DISC1: variants seen among roughly 807,000 people sequenced by gnomAD.
DISC1 encodes the protein DISC1 scaffold protein, also known as disrupted in schizophrenia 1 protein.
DISC1 carries 57 observed loss-of-function variants against 84.5 expected under a neutral mutation model. The ratio of observed to expected loss-of-function variants is 0.67; its 90% CI spans 0.55 to 0.84. The LOEUF is 0.84. Among genes scored for constraint, DISC1 ranks in the 40% least tolerant of loss-of-function variants. The pLI, the probability that DISC1 is intolerant of heterozygous loss-of-function variation, is 0.00. For missense variants in DISC1, 1,000 were observed against 1,057.8 expected, an observed-to-expected ratio of 0.95 and a Z score of 0.76; for synonymous variants, 411 against 415.2, an observed-to-expected ratio of 0.99 and a Z score of 0.12.
chr1:231,629,441 T>C (rs1380052870), intron 1 of DISC1: 1 of 153,206 alleles, frequency 6.5e-6, no homozygotes, highest in Non-Finnish European at 1.5e-5. Flanking sequence ...GAGAGGAGCG[T>C]GAATGCTCTG....
At chr1:231,648,644 C>T (rs1280848371) in intron 1 of DISC1, among the ~76,000 whole-genome samples, 1 of 152,202 alleles carries the variant, frequency 6.6e-6, no homozygotes, top group Non-Finnish European at 1.5e-5. Flanking sequence ...ACCAGCTCCT[C>T]TTTGTACTTC....
chr1:231,652,155 AC>A (rs1179458192), intron 1 of DISC1, among the ~76,000 whole-genome samples: 1 of 152,132 alleles, frequency 6.6e-6, no homozygotes, highest in African/African-American at 2.4e-5. Flanking sequence ...TGCAGAAATC[AC>A]CATCTTCTGC....
rs1458034173 is a variant in DISC1, at chr1:232,040,678, TGGCTAA to T, written c.*3849_*3854del. The T allele has an allele frequency of 6.6e-6, 1 of 152,222 alleles. No homozygotes were observed. Among genetic ancestry groups the T allele is most frequent in the African/African-American group, 2.4e-5 (1 of 41,456 alleles). 9.4% of individuals were successfully genotyped at this position (152,222 alleles called of 1,614,324 possible). A position where few individuals can be genotyped will look rare whatever the true frequency, so the allele number is the denominator to read the frequency against. On this transcript the variant is annotated 3_prime_UTR_variant, in exon 13 of 13. Transcript: ENST00000439617. ...GAGCCATGGAACTTACTTGTTCACCTGGCTAAGAACTCATGGCCACTGTGGAAATCT... is the reference window on the plus strand; with the variant it reads ...GAGCCATGGAACTTACTTGTTCACCTGAACTCATGGCCACTGTGGAAATCT...
chr1:231,739,138 G>A (rs1376520427), intron 3 of DISC1, among the ~76,000 whole-genome samples: 1 of 152,144 alleles, frequency 6.6e-6, no homozygotes, highest in African/African-American at 2.4e-5. Flanking sequence ...GTGTGTAAAT[G>A]CACTCATATG....
intron 9 of DISC1, among the ~76,000 whole-genome samples, chr1:231,882,153 G>A (rs768486892): frequency 1.3e-5 from 2 of 152,180 alleles, no homozygotes; most frequent in African/African-American, 4.8e-5. Context: ...GATTGTTAAC[G>A]GCTAACTTTT....
At chr1:231,928,739 G>A (rs1335859229) in intron 9 of DISC1, among the ~76,000 whole-genome samples, 2 of 151,952 alleles carry the variant, frequency 1.3e-5, no homozygotes, top group Admixed American at 6.6e-5. Flanking sequence ...TGTGTCCCAG[G>A]GATTCTACAA....
chr1:231,792,853 T>G (rs1261561360), intron 6 of DISC1, among the ~76,000 whole-genome samples: 3 of 152,216 alleles, frequency 2.0e-5, no homozygotes, highest in Non-Finnish European at 4.4e-5. Flanking sequence ...TTCCAAACAT[T>G]GTTTTCCACT....
chr1:231,682,689 T>C (rs2063810621), intron 1 of DISC1, among the ~76,000 whole-genome samples: 2 of 152,230 alleles, frequency 1.3e-5, no homozygotes, highest in South Asian at 4.1e-4. Flanking sequence ...TAATTATAGA[T>C]TTATCGCAAA....
chr1:231,740,652 A>G (rs2073135515), intron 3 of DISC1, among the ~76,000 whole-genome samples: 1 of 152,180 alleles, frequency 6.6e-6, no homozygotes, highest in African/African-American at 2.4e-5. Flanking sequence ...AGTGTTTTAA[A>G]TTTCCAATAT....
intron 10 of DISC1, among the ~76,000 whole-genome samples, chr1:231,996,558 A>G (rs1240466432): frequency 6.6e-6 from 1 of 152,180 alleles, no homozygotes; most frequent in Non-Finnish European, 1.5e-5. Flanking sequence ...ATCAGGAAAG[A>G]GAGTTTGGTT....
intron 10 of DISC1, among the ~76,000 whole-genome samples, chr1:231,990,618 C>G (rs1302170347): frequency 6.6e-6 from 1 of 152,174 alleles, no homozygotes; most frequent in Non-Finnish European, 1.5e-5. Flanking sequence ...GCCTTTCCGT[C>G]TCGCACTTGT....
At chr1:231,806,678 G>T (rs2079743469) in intron 8 of DISC1, among the ~76,000 whole-genome samples, 1 of 152,246 alleles carries the variant, frequency 6.6e-6, no homozygotes, top group Admixed American at 6.5e-5. Flanking sequence ...CTCCCAGGAG[G>T]CAGCCCCAGA....
rs116199198 is a variant in DISC1 at position 231,875,339 on chromosome 1, C to T, written c.1981+56822C>T. On this transcript the variant is annotated intron_variant, in intron 9 of 12. Coordinates refer to ENST00000439617, the MANE Select transcript of DISC1 (RefSeq NM_018662.3). ...TGAGTAAGGGGACATGAGCCACCAGCCCCCGGCCCTGGTGAGTGAAGGCCA... is the reference window on the plus strand; with the variant it reads ...TGAGTAAGGGGACATGAGCCACCAGTCCCCGGCCCTGGTGAGTGAAGGCCA... Among the ~76,000 whole-genome samples the T allele has an allele frequency of 2.0e-3, 306 of 152,032 alleles. 5 individuals carry two copies. The highest frequency in any genetic ancestry group is 6.7e-3 in the African/African-American group (278 of 41,510).
At chr1:231,932,108 A>C (rs895074382) in intron 9 of DISC1, among the ~76,000 whole-genome samples, 2 of 152,196 alleles carry the variant, frequency 1.3e-5, no homozygotes, top group African/African-American at 4.8e-5. Flanking sequence ...GTGGCGGACC[A>C]TAAGAATGGG....
At chr1:232,007,191 G>T (rs1034586378) in intron 10 of DISC1, among the ~76,000 whole-genome samples, 1 of 152,184 alleles carries the variant, frequency 6.6e-6, no homozygotes, top group Non-Finnish European at 1.5e-5. Flanking sequence ...TGGGGTCAGA[G>T]CCCCCACACT....
intron 6 of DISC1, among the ~76,000 whole-genome samples, chr1:231,789,041 G>A (rs979082119): frequency 6.6e-6 from 1 of 152,150 alleles, no homozygotes. Context: ...GTAGTAAAAG[G>A]CAGAAATAAA....
chr1:231,768,218 C>T (rs1255169193), intron 5 of DISC1, among the ~76,000 whole-genome samples: 1 of 152,150 alleles, frequency 6.6e-6, no homozygotes, highest in Non-Finnish European at 1.5e-5. Flanking sequence ...GCGATGAGGA[C>T]ACATTGATTA....
At chr1:231,896,077 T>G (rs1330083049) in intron 9 of DISC1, among the ~76,000 whole-genome samples, 1 of 152,118 alleles carries the variant, frequency 6.6e-6, no homozygotes, top group Non-Finnish European at 1.5e-5. Context: ...CACGGCAACT[T>G]TCCTACCACT....
intron 1 of DISC1, among the ~76,000 whole-genome samples, chr1:231,687,782 G>A (rs1046972599): frequency 3.3e-5 from 5 of 152,096 alleles, no homozygotes; most frequent in African/African-American, 1.2e-4. Context: ...TGGGGCAGGG[G>A]GAAATGGGGA....
Sources: gnomAD v4.1 joint callset for allele counts (sites outside exome capture counted in the v4.1 genomes callset) on GRCh38, gnomAD v4.1.1 for gene constraint, MANE v1.5 for transcripts, NCBI Gene and HGNC (gene_info 2026-07-23, HGNC 2026-07-21) for gene names.